The following TEAD1 variants were observed in gnomAD, a reference collection of about 807,000 sequenced individuals.
The protein encoded by TEAD1 is transcriptional enhancer factor TEF-1.
Under a neutral mutation model 54.9 loss-of-function variants are expected in TEAD1, and 9 were observed. That is an observed-to-expected ratio of 0.16 (90% confidence interval 0.10 to 0.29). TEAD1 has a LOEUF of 0.29. TEAD1 is among the 10% of genes least tolerant of loss of function. TEAD1 has a pLI of 1.00. For synonymous variants in TEAD1, 200 were observed against 187.8 expected (o/e 1.07, Z -0.53); for missense variants, 387 against 535.9 (o/e 0.72, Z 2.74).
chr11:12,899,521 A>C (rs73409253), intron 9 of TEAD1, among the ~76,000 whole-genome samples: 1 of 152,158 alleles, frequency 6.6e-6, no homozygotes, highest in Non-Finnish European at 1.5e-5. Flanking sequence ...CAACATTTGA[A>C]AAAATGTATA....
chr11:12,750,225 G>GAAC (rs1425285786), intron 2 of TEAD1, among the ~76,000 whole-genome samples: 3 of 152,120 alleles, frequency 2.0e-5, no homozygotes, highest in Non-Finnish European at 1.5e-5. Context: ...CCCATGTTGG[G>GAAC]CTCGAGTGTG....
At chr11:12,720,805 C>A (rs188859952) in intron 2 of TEAD1, among the ~76,000 whole-genome samples, 1 of 152,232 alleles carries the variant, frequency 6.6e-6, no homozygotes, top group East Asian at 1.9e-4. Context: ...CTTTAAGGAA[C>A]AGATATGGGC....
chr11:12,746,626 G>T (rs534911963), intron 2 of TEAD1, among the ~76,000 whole-genome samples: 2 of 152,342 alleles, frequency 1.3e-5, no homozygotes, highest in South Asian at 4.1e-4. Context: ...TTTGACACAT[G>T]TTCAAAGGTC....
At chr11:12,932,983 G>A (rs1400526259) in intron 12 of TEAD1, among the ~76,000 whole-genome samples, 1 of 152,150 alleles carries the variant, frequency 6.6e-6, no homozygotes, top group Non-Finnish European at 1.5e-5. Flanking sequence ...AATCAGTACA[G>A]TAACATGCTA....
At chr11:12,905,701 A>G (rs1948506496) in intron 10 of TEAD1, among the ~76,000 whole-genome samples, 1 of 152,160 alleles carries the variant, frequency 6.6e-6, no homozygotes, top group Non-Finnish European at 1.5e-5. Context: ...AGATGTGCTT[A>G]TTTTTGTTAC....
intron 3 of TEAD1, among the ~76,000 whole-genome samples, chr11:12,771,620 G>T (rs929654707): frequency 6.6e-6 from 1 of 152,164 alleles, no homozygotes; most frequent in African/African-American, 2.4e-5. Context: ...GTTAAGTTTT[G>T]TCATATGCTT....
At chr11:12,744,397 G>A (rs1009988773) in intron 2 of TEAD1, among the ~76,000 whole-genome samples, 5 of 152,188 alleles carry the variant, frequency 3.3e-5, no homozygotes, top group Non-Finnish European at 7.4e-5. Flanking sequence ...CTAAATAATA[G>A]CATATCCACC....
intron 5 of TEAD1, among the ~76,000 whole-genome samples, chr11:12,872,814 C>G (rs900240819): frequency 2.0e-5 from 3 of 152,154 alleles, no homozygotes; most frequent in African/African-American, 7.2e-5. Context: ...TTTCAGGTCC[C>G]GAGCAGAATC....
rs1564998554 is a variant in TEAD1 at position 12,939,621 on chromosome 11, CT to C, written c.*2400del. 1 of 152,440 alleles carries C rather than the reference CT, an allele frequency of 6.6e-6. No individual in the cohort carries two copies. The highest frequency in any genetic ancestry group is 1.9e-4 in the East Asian group (1 of 5,186). The allele number at this position is 152,440 out of a possible 1,614,324, so 9.4% of individuals were successfully genotyped here. A position where few individuals can be genotyped will look rare whatever the true frequency, so the allele number is the denominator to read the frequency against. The stretch of plus-strand genomic sequence containing the variant: ...ACCTCACAGGGTCAGCTGGGCCCCC[CT>C]GGTGCTTCACCACCTGCATCCTCTT... On this transcript the variant is annotated 3_prime_UTR_variant, in exon 13 of 13. Transcript: ENST00000527636.
intron 3 of TEAD1, among the ~76,000 whole-genome samples, chr11:12,793,981 C>A (rs974759265): frequency 2.0e-5 from 3 of 152,224 alleles, no homozygotes; most frequent in African/African-American, 7.2e-5. Flanking sequence ...ATAATGGAAG[C>A]AGCTATTTCA....
chr11:12,724,261 G>T (rs757206669), intron 2 of TEAD1, among the ~76,000 whole-genome samples: 1 of 152,214 alleles, frequency 6.6e-6, no homozygotes, highest in African/African-American at 2.4e-5. Context: ...TATGCGCATA[G>T]TAGGAGAATC....
chr11:12,848,030 G>A (rs1231783220), intron 3 of TEAD1, among the ~76,000 whole-genome samples: 1 of 152,152 alleles, frequency 6.6e-6, no homozygotes, highest in Non-Finnish European at 1.5e-5. Context: ...AGGGCAGTGG[G>A]GTCAGTGAGC....
intron 5 of TEAD1, among the ~76,000 whole-genome samples, chr11:12,866,644 G>A (rs1344276213): frequency 7.2e-5 from 11 of 152,216 alleles, no homozygotes; most frequent in Non-Finnish European, 1.6e-4. Context: ...TTTGGGGCAG[G>A]CACAAGGAAG....
intron 2 of TEAD1, among the ~76,000 whole-genome samples, chr11:12,688,314 A>G (rs1943377347): frequency 6.6e-6 from 1 of 152,106 alleles, no homozygotes; most frequent in South Asian, 2.1e-4. Flanking sequence ...GGGGTTGTTT[A>G]CAGGGTTGAT....
chr11:12,819,251 A>G (rs1419339725), intron 3 of TEAD1, among the ~76,000 whole-genome samples: 2 of 148,918 alleles, frequency 1.3e-5, no homozygotes, highest in African/African-American at 5.0e-5. Context: ...AGGTGGCACC[A>G]TTATCACCGG....
chr11:12,819,264 C>T (rs1946479108), intron 3 of TEAD1, among the ~76,000 whole-genome samples: 1 of 124,772 alleles, frequency 8.0e-6, no homozygotes, highest in African/African-American at 3.0e-5. Context: ...ATCACCGGTG[C>T]TTGTGCAGAG....
intron 3 of TEAD1, among the ~76,000 whole-genome samples, chr11:12,782,553 G>A (rs182787907): frequency 4.0e-4 from 61 of 152,272 alleles, no homozygotes; most frequent in Non-Finnish European, 7.1e-4. Context: ...AACTAGTTAC[G>A]GTAATGCTTA....
intron 3 of TEAD1, among the ~76,000 whole-genome samples, chr11:12,843,132 A>G (rs1046814703): frequency 2.0e-5 from 3 of 152,110 alleles, no homozygotes; most frequent in African/African-American, 4.8e-5. Context: ...GGCAGCCTCT[A>G]TTGTCTCATT....
At chr11:12,791,832 C>T (rs1945808485) in intron 3 of TEAD1, among the ~76,000 whole-genome samples, 1 of 152,106 alleles carries the variant, frequency 6.6e-6, no homozygotes, top group Non-Finnish European at 1.5e-5. Context: ...CCATAAAAAG[C>T]CCAAGGAAGC....
Sources: allele counts gnomAD v4.1 joint callset (sites outside exome capture counted in the v4.1 genomes callset), GRCh38; gene constraint gnomAD v4.1.1; transcripts MANE v1.5; gene names NCBI Gene and HGNC (gene_info 2026-07-23, HGNC 2026-07-21).